COG4: variants seen among roughly 807,000 people sequenced by gnomAD.
The protein encoded by COG4 is conserved oligomeric Golgi complex subunit 4.
COG4 carries 65 observed loss-of-function variants against 95.1 expected under a neutral mutation model. That is an observed-to-expected ratio of 0.68 (90% CI 0.56 to 0.84). The LOEUF (loss-of-function observed/expected upper bound fraction) is 0.84, where lower values mean the gene tolerates loss of function less well. Ranked by LOEUF, COG4 falls within the 40% of genes least tolerant of loss-of-function variation. COG4 has a pLI of 0.00. For missense variants in COG4, 1,045 were observed against 989.1 expected (o/e 1.06, Z -0.76); for synonymous variants, 421 against 374.8 (o/e 1.12, Z -1.42).
At chr16:70,522,277 G>C (rs1423202293) in intron 1 of COG4, among the ~76,000 whole-genome samples, 1 of 152,110 alleles carries the variant, frequency 6.6e-6, no homozygotes, top group Admixed American at 6.5e-5. Context: ...TGGCAGGCGT[G>C]AGCCACCGCG....
In COG4 at chr16:70,497,245, G is replaced by T; in HGVS notation, c.1457C>A (p.Thr486Asn). The change falls in exon 11 of 19, where the codon ACC becomes AAC. Residue 486 changes from threonine (T) to asparagine (N), a missense_variant. By Grantham distance (65) the Thr-to-Asn change is moderately conservative. Coordinates refer to ENST00000323786, the MANE Select transcript of COG4 (RefSeq NM_015386.3). ...DCLCAMINLA[T>N]TELESDFRDV... is the part of the protein sequence containing the mutation. The stretch of plus-strand genomic sequence containing the variant: ...CCTGAAGTCAGACTCCAGCTCTGTG[G>T]TGGCGAGGTTGATCATGGCACAGAG... 1 of 1,614,170 alleles carries T rather than the reference G, an allele frequency of 6.2e-7. No homozygotes were observed. Among genetic ancestry groups the T allele is most frequent in the Non-Finnish European group, 8.5e-7 (1 of 1,180,028 alleles).
chr16:70,483,947 C>T lies in COG4; in HGVS notation c.1733G>A (p.Ser578Asn), dbSNP rs149459130. 55 of 1,612,916 alleles carry T rather than the reference C, an allele frequency of 3.4e-5. No homozygotes were observed. The African/African-American group carries it at 6.4e-4, about 19-fold the overall frequency. The change falls in exon 14 of 19, where the codon AGC becomes AAC. Residue 578 changes from serine to asparagine, a missense_variant. Ser to Asn is a conservative substitution (Grantham distance 46). Transcript: ENST00000323786. The stretch of plus-strand genomic sequence containing the variant: ...GGCCTGCTCCCCTCCAATGCCCTGG[C>T]TGAAGAGCTTGGTGCAGTCACTCTA... ...TLESDCTKLF[S>N]QGIGGEQAQA... is the part of the protein sequence containing the mutation.
intron 11 of COG4, among the ~76,000 whole-genome samples, chr16:70,496,903 G>A (rs923097971): frequency 1.3e-5 from 2 of 152,168 alleles, no homozygotes; most frequent in African/African-American, 2.4e-5. Flanking sequence ...CCTCAAAAGC[G>A]CAGGAGATTA....
rs758364837 is a variant in COG4 at position 70,523,484 on chromosome 16, C to G, written c.60G>C (p.Pro20=). Residue 20 remains proline (P), a synonymous_variant, in exon 1 of 19, where the codon CCG becomes CCC. Transcript: ENST00000323786. ...AGCGGCCACCTCCCACCCCCTCAGA[C>G]GGCTGCTGCACCCCTGACAGCTTCG... ...SPPKLSGVQQ[P]SEGVGGGRCS... The G allele has an allele frequency of 1.9e-6, 3 of 1,614,022 alleles. No homozygotes were observed. In the African/African-American group the frequency reaches 4.0e-5, roughly 22 times the overall value.
rs759705702 is a variant in COG4 at position 70,483,885 on chromosome 16, C to T, written c.1795G>A (p.Ala599Thr). The T allele has an allele frequency of 2.3e-5, 37 of 1,613,250 alleles. No individual in the cohort carries two copies. Among genetic ancestry groups the T allele is most frequent in the Admixed American group, 1.2e-4 (7 of 59,998 alleles). Residue 599 changes from alanine (A) to threonine (T), a missense_variant, in exon 14 of 19, where the codon GCC becomes ACC. Coordinates refer to ENST00000323786, the MANE Select transcript of COG4 (RefSeq NM_015386.3). ...AGGTCTCGGAATTTGTTGGACACGGCGGCCAAGTCAGAAAGGCAGCTGTCA... is the reference window on the plus strand; with the variant it reads ...AGGTCTCGGAATTTGTTGGACACGGTGGCCAAGTCAGAAAGGCAGCTGTCA... The part of the protein sequence containing the change: ...KFDSCLSDLA[A>T]VSNKFRDLLQ...
intron 12 of COG4, 79 bp from the exon 13 acceptor site, chr16:70,490,471 C>T: frequency 4.2e-6 from 5 of 1,185,888 alleles, no homozygotes; most frequent in Non-Finnish European, 6.3e-6. Flanking sequence ...TGGCTGACAG[C>T]TGTGCTCCAT....
At position 70,481,049 on chromosome 16, in the gene COG4, T is replaced by C. The variant is rs1413795737; in HGVS notation, c.2331A>G (p.Ile777Met). The C allele has an allele frequency of 6.2e-6, 10 of 1,613,082 alleles. No individual in the cohort carries two copies. In the African/African-American group the frequency reaches 6.7e-5, roughly 11 times the overall value. The change falls in exon 19 of 19, where the codon ATA becomes ATG. Residue 777 changes from isoleucine to methionine, a missense_variant. Transcript: ENST00000323786. ...TCTTGATATCTTCACTGCGGAAGTC[T>C]ATCCGCAGGGCCAGCACCTGGCGCA... is the stretch of plus-strand genomic sequence containing the variant. Reference protein sequence around the residue: ...AEVRQVLALRIDFRSEDIKRL... With the variant: ...AEVRQVLALRMDFRSEDIKRL...
At position 70,501,051 on chromosome 16, in the gene COG4, C is replaced by T. The variant is rs758198088; in HGVS notation, c.1102G>A (p.Ala368Thr). ...AAGCGTAAGTATAGCTCACTGCGGG[C>T]ATTCATCAGGGTGACCTCAGTCAGG... Reference protein sequence around the residue: ...PILTEVTLMNARSELYLRFLK... With the variant: ...PILTEVTLMNTRSELYLRFLK... Residue 368 changes from alanine (A) to threonine (T), a missense_variant, in exon 9 of 19, where the codon GCC becomes ACC. Coordinates refer to ENST00000323786, the MANE Select transcript of COG4 (RefSeq NM_015386.3). The T allele has an allele frequency of 3.1e-6, 5 of 1,613,840 alleles. No homozygotes were observed. The African/African-American group carries it at 6.7e-5, about 22-fold the overall frequency.
Position 70,514,521 on chromosome 16 carries a change from T to C in COG4, c.370-12A>G. 2 of 1,613,204 alleles carry C rather than the reference T, an allele frequency of 1.2e-6. No individual in the cohort carries two copies. The highest frequency in any genetic ancestry group is 1.7e-6 in the Non-Finnish European group (2 of 1,179,598). ...TGATAGAGGCGGTTCTGCAAAAAGA[T>C]TTGGTACTTACAAACAATGTCCTAT... On this transcript the variant is annotated splice_polypyrimidine_tract_variant and intron_variant, in intron 3 of 18. Coordinates refer to ENST00000323786, the MANE Select transcript of COG4 (RefSeq NM_015386.3).
intron 3 of COG4, among the ~76,000 whole-genome samples, chr16:70,515,070 C>G (rs1597689094): frequency 2.0e-5 from 3 of 149,604 alleles, no homozygotes; most frequent in African/African-American, 5.0e-5. Flanking sequence ...GGCTAGAGTA[C>G]AGTGGTGCAA....
intron 1 of COG4, 22 bp from the exon 2 acceptor site, chr16:70,519,753 T>C (rs1416574104): frequency 5.7e-6 from 9 of 1,571,176 alleles, no homozygotes; most frequent in South Asian, 1.1e-5. Flanking sequence ...AGAAACATCC[T>C]GTCAGCAGAA....
chr16:70,503,884 G>A (rs965061370), intron 8 of COG4, among the ~76,000 whole-genome samples: 3 of 122,756 alleles, frequency 2.4e-5, no homozygotes, highest in Non-Finnish European at 4.4e-5. Flanking sequence ...GTGAGCCACC[G>A]CGCCCGGCCA....
At chr16:70,519,804 T>C (rs1597694322) in intron 1 of COG4, 73 bp from the exon 2 acceptor site, 1 of 1,092,482 alleles carries the variant, frequency 9.2e-7, no homozygotes, top group East Asian at 2.4e-5. Context: ...TCCAATCACT[T>C]AGCTGAAGGG....
intron 9 of COG4, among the ~76,000 whole-genome samples, chr16:70,500,501 C>A (rs1337609048): frequency 2.7e-5 from 4 of 150,394 alleles, no homozygotes; most frequent in African/African-American, 7.4e-5. Context: ...GCTGGGACTG[C>A]AGGTGTATTG....
intron 12 of COG4, among the ~76,000 whole-genome samples, chr16:70,492,414 T>A (rs1279402879): frequency 6.6e-6 from 1 of 151,774 alleles, no homozygotes; most frequent in Admixed American, 6.6e-5. Context: ...ATCACAGCAG[T>A]TTGGGAGGCC....
intron 12 of COG4, among the ~76,000 whole-genome samples, chr16:70,490,686 G>A (rs1567725675): frequency 6.6e-6 from 1 of 151,714 alleles, no homozygotes; most frequent in African/African-American, 2.4e-5. Context: ...TTTTTTGTTT[G>A]TTTTTTTGTT....
chr16:70,481,891 C>T (rs1268706795), intron 16 of COG4, 26 bp from the exon 17 acceptor site: 28 of 1,589,950 alleles, frequency 1.8e-5, no homozygotes, highest in Admixed American at 3.4e-5. Flanking sequence ...TGACATCAGC[C>T]GAGCCCCACC....
intron 8 of COG4, among the ~76,000 whole-genome samples, chr16:70,505,127 G>A (rs897621255): frequency 6.6e-5 from 10 of 151,836 alleles, no homozygotes; most frequent in African/African-American, 2.2e-4. Flanking sequence ...GCCATATCAA[G>A]GACTAGTATC....
chr16:70,490,308 T>A, intron 13 of COG4, 22 bp downstream of exon 13: 1 of 1,601,186 alleles, frequency 6.2e-7, no homozygotes. Context: ...TGCTGACCAC[T>A]GATAGGCAAT....
Sources: gnomAD v4.1 joint callset for allele counts (sites outside exome capture counted in the v4.1 genomes callset) on GRCh38, gnomAD v4.1.1 for gene constraint, MANE v1.5 for transcripts, NCBI Gene and HGNC (gene_info 2026-07-23, HGNC 2026-07-21) for gene names.